The following FGF14 variants were observed in gnomAD, a reference collection of about 807,000 sequenced individuals.
FGF14 encodes fibroblast growth factor homologous factor 4.
FGF14 carries 5 observed loss-of-function variants against 25.5 expected under a neutral mutation model. The ratio of observed to expected loss-of-function variants is 0.20; its 90% confidence interval spans 0.10 to 0.41. The LOEUF (loss-of-function observed/expected upper bound fraction) is 0.41, where lower values mean the gene tolerates loss of function less well. Among genes scored for constraint, FGF14 ranks in the 10% least tolerant of loss-of-function variants. The pLI is 1.00. For missense variants in FGF14, 222 were observed against 320.1 expected (o/e 0.69, Z 2.34); for synonymous variants, 138 against 118.3 (o/e 1.17, Z -1.08).
At chr13:102,146,486 C>CCAATTAGGAATT (rs1167929619) in intron 1 of FGF14, among the ~76,000 whole-genome samples, 1 of 152,118 alleles carries the variant, frequency 6.6e-6, no homozygotes, top group Non-Finnish European at 1.5e-5. Context: ...ATTCGTTCAA[C>CCAATTAGGAATT]CAATACTTTT....
chr13:101,741,471 TA>T (rs2036552368), intron 3 of FGF14, among the ~76,000 whole-genome samples: 1 of 152,148 alleles, frequency 6.6e-6, no homozygotes, highest in Admixed American at 6.5e-5. Flanking sequence ...GTGAATCCAT[TA>T]AACATCAGTA....
At chr13:101,846,214 A>G (rs528967617) in intron 3 of FGF14, among the ~76,000 whole-genome samples, 1 of 152,058 alleles carries the variant, frequency 6.6e-6, no homozygotes, top group Non-Finnish European at 1.5e-5. Context: ...GGAAAAGAAA[A>G]CATGTTTTGA....
At chr13:102,072,237 G>A (rs560707153) in intron 1 of FGF14, among the ~76,000 whole-genome samples, 57 of 152,308 alleles carry the variant, frequency 3.7e-4, no homozygotes, top group African/African-American at 1.3e-3. Flanking sequence ...TCTCATTGGA[G>A]ATAGCAAAAA....
chr13:101,966,497 T>TTG (rs888498562), intron 1 of FGF14, among the ~76,000 whole-genome samples: 63 of 152,040 alleles, frequency 4.1e-4, no homozygotes, highest in African/African-American at 1.5e-3. Flanking sequence ...GTTTTTGTTT[T>TTG]TTTGAGACAG....
chr13:101,846,834 A>G (rs2043488787), intron 3 of FGF14, among the ~76,000 whole-genome samples: 2 of 152,096 alleles, frequency 1.3e-5, no homozygotes, highest in Admixed American at 1.3e-4. Flanking sequence ...GAAAATTAGC[A>G]TTACAAAAGA....
chr13:102,371,204 C>T (rs137983065), intron 1 of FGF14, among the ~76,000 whole-genome samples: 1 of 152,202 alleles, frequency 6.6e-6, no homozygotes, highest in African/African-American at 2.4e-5. Context: ...AAATTTATAA[C>T]CTGATACAAA....
chr13:102,134,889 T>C (rs1190881347), intron 1 of FGF14, among the ~76,000 whole-genome samples: 5 of 152,148 alleles, frequency 3.3e-5, no homozygotes, highest in Non-Finnish European at 5.9e-5. Flanking sequence ...CAAATTTCTT[T>C]GAACTAAAAA....
chr13:101,871,560 C>T (rs1200885154), intron 2 of FGF14, among the ~76,000 whole-genome samples: 1 of 152,010 alleles, frequency 6.6e-6, no homozygotes, highest in Non-Finnish European at 1.5e-5. Flanking sequence ...GAGGTTTTAA[C>T]ATTACCATAG....
At chr13:101,835,750 C>T (rs565072914) in intron 3 of FGF14, among the ~76,000 whole-genome samples, 2 of 151,956 alleles carry the variant, frequency 1.3e-5, no homozygotes, top group Admixed American at 6.6e-5. Flanking sequence ...ACTGTGCTTG[C>T]GGCTACCCAC....
chr13:102,115,570 T>C (rs553099628), intron 1 of FGF14, among the ~76,000 whole-genome samples: 11 of 152,236 alleles, frequency 7.2e-5, no homozygotes, highest in South Asian at 2.1e-4. Context: ...GTTAACGGGG[T>C]TGTTTTTTGC....
intron 1 of FGF14, among the ~76,000 whole-genome samples, chr13:102,035,936 C>G (rs529893645): frequency 1.3e-5 from 2 of 152,038 alleles, no homozygotes; most frequent in Non-Finnish European, 2.9e-5. Flanking sequence ...GAAAGGAAGG[C>G]CTGGGGAAAG....
intron 1 of FGF14, among the ~76,000 whole-genome samples, chr13:102,016,510 T>C (rs1325615779): frequency 6.6e-6 from 1 of 152,180 alleles, no homozygotes; most frequent in Non-Finnish European, 1.5e-5. Context: ...CTAAACATAA[T>C]GTGAGCTGTA....
At chr13:102,045,032 C>A (rs915237224) in intron 1 of FGF14, among the ~76,000 whole-genome samples, 1 of 152,150 alleles carries the variant, frequency 6.6e-6, no homozygotes, top group African/African-American at 2.4e-5. Flanking sequence ...CACTGACGTT[C>A]CCCATCCATG....
chr13:102,323,883 C>A (rs1385831018), intron 1 of FGF14, among the ~76,000 whole-genome samples: 7 of 151,902 alleles, frequency 4.6e-5, no homozygotes, highest in Non-Finnish European at 2.9e-5. Context: ...GTGATTATTT[C>A]ATTAAGCCTT....
chr13:101,845,716 C>G (rs1424718839), intron 3 of FGF14, among the ~76,000 whole-genome samples: 1 of 151,978 alleles, frequency 6.6e-6, no homozygotes, highest in Admixed American at 6.6e-5. Flanking sequence ...AAATGAGGTA[C>G]TGTAACATGC....
At chr13:101,748,282 C>T (rs1257583696) in intron 3 of FGF14, among the ~76,000 whole-genome samples, 1 of 151,758 alleles carries the variant, frequency 6.6e-6, no homozygotes, top group African/African-American at 2.4e-5. Context: ...ACACACACAC[C>T]ATGGAATACT....
intron 1 of FGF14, among the ~76,000 whole-genome samples, chr13:101,972,152 T>A (rs1385653120): frequency 2.0e-5 from 3 of 152,238 alleles, no homozygotes; most frequent in Admixed American, 1.3e-4. Context: ...AATGAAAGAT[T>A]ACATGCTTTA....
At chr13:102,027,880 T>A (rs2041012585) in intron 1 of FGF14, among the ~76,000 whole-genome samples, 2 of 152,062 alleles carry the variant, frequency 1.3e-5, no homozygotes, top group South Asian at 4.1e-4. Context: ...CTATTATTGT[T>A]GTGACACCAA....
intron 1 of FGF14, among the ~76,000 whole-genome samples, chr13:102,183,062 T>G (rs1313156577): frequency 1.3e-5 from 2 of 152,214 alleles, no homozygotes; most frequent in East Asian, 3.9e-4. Context: ...CCCAGAGAGA[T>G]GGACAGGACA....
Sources: gnomAD v4.1 joint callset for allele counts (sites outside exome capture counted in the v4.1 genomes callset) on GRCh38, gnomAD v4.1.1 for gene constraint, MANE v1.5 for transcripts, NCBI Gene and HGNC (gene_info 2026-07-23, HGNC 2026-07-21) for gene names.